PCDH9: variants seen among roughly 807,000 people sequenced by gnomAD.
PCDH9 encodes protocadherin 9, also known as protocadherin-9.
In PCDH9, 24 loss-of-function variants were observed where a neutral mutation model predicts 70.6. The ratio of observed to expected loss-of-function variants is 0.34; its 90% CI spans 0.25 to 0.48. PCDH9 has a LOEUF of 0.48. Among genes scored for constraint, PCDH9 ranks in the 20% least tolerant of loss-of-function variants. The probability of loss-of-function intolerance (pLI) is 0.99; values close to 1 mark genes in which losing one functional copy is unlikely to be tolerated. For synonymous variants in PCDH9, 562 were observed against 558.5 expected (o/e 1.01, Z -0.09); for missense variants, 1,281 against 1,503.6 (o/e 0.85, Z 2.45).
intron 4 of PCDH9, among the ~76,000 whole-genome samples, chr13:66,501,569 C>A (rs186175343): frequency 1.6e-4 from 25 of 152,124 alleles, no homozygotes; most frequent in Admixed American, 6.5e-4. Flanking sequence ...GGTTCTATCA[C>A]AATTACAGGT....
intron 3 of PCDH9, among the ~76,000 whole-genome samples, chr13:66,856,852 A>G (rs1276634781): frequency 1.3e-5 from 2 of 152,076 alleles, no homozygotes; most frequent in Non-Finnish European, 2.9e-5. Flanking sequence ...CTACAATCAT[A>G]TACCCTAATA....
At chr13:66,411,154 C>G (rs778230881) in intron 4 of PCDH9, among the ~76,000 whole-genome samples, 35 of 152,220 alleles carry the variant, frequency 2.3e-4, no homozygotes, top group Non-Finnish European at 4.3e-4. Context: ...CACATTTCCA[C>G]ATAATGGCTG....
At chr13:67,180,112 G>GA (rs2088576980) in intron 2 of PCDH9, among the ~76,000 whole-genome samples, 1 of 152,110 alleles carries the variant, frequency 6.6e-6, no homozygotes, top group South Asian at 2.1e-4. Flanking sequence ...GAAGGTAGAT[G>GA]AAAGAGCTAA....
At chr13:66,580,744 A>G (rs886349370) in intron 4 of PCDH9, among the ~76,000 whole-genome samples, 2 of 152,008 alleles carry the variant, frequency 1.3e-5, no homozygotes, top group African/African-American at 4.8e-5. Context: ...AAATGAGTGT[A>G]TCTTATGATA....
chr13:66,961,277 T>G (rs770825128), intron 2 of PCDH9, among the ~76,000 whole-genome samples: 6 of 152,178 alleles, frequency 3.9e-5, no homozygotes, highest in Non-Finnish European at 8.8e-5. Context: ...GGGGGTTATA[T>G]TGATGAAATA....
intron 4 of PCDH9, among the ~76,000 whole-genome samples, chr13:66,544,040 G>A (rs1358957755): frequency 6.6e-6 from 1 of 152,144 alleles, no homozygotes; most frequent in East Asian, 1.9e-4. Context: ...ATTGTTTACA[G>A]ATACAGAATT....
In PCDH9 at chr13:67,051,382, A is replaced by ATTTTTTTTTTTTT. The variant is rs567408801; in HGVS notation, c.3037-147790_3037-147778dup. On this transcript the variant is annotated intron_variant, in intron 2 of 4. Transcript: ENST00000377865. ...CGAAATACCAGGAAAACAATACAAG[A>ATTTTTTTTTTTTT]TTTTTTTTTTTTTTTTTTTTTTTTT... Among the ~76,000 whole-genome samples the ATTTTTTTTTTTTT allele has an allele frequency of 1.1e-3, 75 of 71,004 alleles. 9 individuals carry two copies. Among genetic ancestry groups the ATTTTTTTTTTTTT allele is most frequent in the South Asian group, 1.8e-3 (3 of 1,692 alleles). 46.6% of individuals were successfully genotyped at this position (71,004 alleles called of 152,430 possible).
chr13:66,739,561 G>C (rs1030306167), intron 3 of PCDH9, among the ~76,000 whole-genome samples: 2 of 145,508 alleles, frequency 1.4e-5, no homozygotes, highest in African/African-American at 5.0e-5. Context: ...TGGATAAAGA[G>C]TCAAGACCCA....
At chr13:66,323,190 A>G (rs1955785312) in intron 4 of PCDH9, 1 of 152,022 alleles carries the variant, frequency 6.6e-6, no homozygotes, top group South Asian at 2.1e-4. Context: ...TGACTGGCTT[A>G]CAGAGAAGAA....
chr13:67,187,393 T>C (rs1390477352), intron 2 of PCDH9, among the ~76,000 whole-genome samples: 1 of 152,204 alleles, frequency 6.6e-6, no homozygotes, highest in Non-Finnish European at 1.5e-5. Flanking sequence ...ATTTGATTTA[T>C]ATAGTATGGC....
chr13:67,081,393 A>C (rs909066725), intron 2 of PCDH9, among the ~76,000 whole-genome samples: 3 of 151,990 alleles, frequency 2.0e-5, no homozygotes, highest in Non-Finnish European at 4.4e-5. Context: ...ACATGGTGAA[A>C]CTCCATCCCT....
At position 66,524,072 on chromosome 13, in the gene PCDH9, A is replaced by C. The variant is rs565422731; in HGVS notation, c.3340+107138T>G. Among the ~76,000 whole-genome samples, 461 of 152,140 alleles carry C rather than the reference A, an allele frequency of 3.0e-3. 2 individuals are homozygous for C. Among genetic ancestry groups the C allele is most frequent in the African/African-American group, 0.011 (442 of 41,556 alleles). ...GGAGAAGTGAGGGAAATAAATAAAT[A>C]GTGGGAATGGGCTTTAATGAGTTCA... On this transcript the variant is annotated intron_variant, in intron 4 of 4. Transcript: ENST00000377865.
chr13:67,189,935 C>G (rs1156887788), intron 2 of PCDH9, among the ~76,000 whole-genome samples: 1 of 151,666 alleles, frequency 6.6e-6, no homozygotes, highest in Non-Finnish European at 1.5e-5. Context: ...AGTTTTTAAA[C>G]AAAATAAAAC....
chr13:66,903,199 C>T (rs549756632), intron 3 of PCDH9, among the ~76,000 whole-genome samples: 7 of 151,698 alleles, frequency 4.6e-5, no homozygotes, highest in African/African-American at 1.7e-4. Context: ...GAACATCTAG[C>T]TTTAAAAGAA....
chr13:66,828,378 A>C (rs994460388), intron 3 of PCDH9, among the ~76,000 whole-genome samples: 4 of 152,184 alleles, frequency 2.6e-5, no homozygotes, highest in African/African-American at 9.7e-5. Context: ...AACCTCTAAA[A>C]AATACTAATG....
chr13:66,686,551 A>G (rs1422978843), intron 3 of PCDH9, among the ~76,000 whole-genome samples: 2 of 152,230 alleles, frequency 1.3e-5, no homozygotes, highest in South Asian at 2.1e-4. Flanking sequence ...ACACCAATTT[A>G]TCTATATGCT....
At chr13:67,128,263 C>A (rs2087027210) in intron 2 of PCDH9, among the ~76,000 whole-genome samples, 2 of 152,152 alleles carry the variant, frequency 1.3e-5, no homozygotes, top group South Asian at 4.1e-4. Flanking sequence ...TTTAGAGAAG[C>A]ACATTTGGAT....
chr13:67,013,189 C>CAG (rs1337627274), intron 2 of PCDH9, among the ~76,000 whole-genome samples: 2 of 151,420 alleles, frequency 1.3e-5, no homozygotes, highest in African/African-American at 4.8e-5. Context: ...AATCACCACT[C>CAG]AGAAATAACC....
At chr13:67,105,402 T>A (rs2086518694) in intron 2 of PCDH9, among the ~76,000 whole-genome samples, 1 of 152,142 alleles carries the variant, frequency 6.6e-6, no homozygotes, top group Non-Finnish European at 1.5e-5. Context: ...ATTTGGCTAC[T>A]GGTTTTGAGA....
Sources: allele counts gnomAD v4.1 joint callset (sites outside exome capture counted in the v4.1 genomes callset), GRCh38; gene constraint gnomAD v4.1.1; transcripts MANE v1.5; gene names NCBI Gene and HGNC (gene_info 2026-07-23, HGNC 2026-07-21).